RLN2: variants seen among roughly 807,000 people sequenced by gnomAD.
The protein encoded by RLN2 is prorelaxin H2.
A neutral mutation model predicts 7.3 loss-of-function variants in RLN2; 10 were observed. That is an observed-to-expected ratio of 1.36 (90% CI 0.84 to 2.31). The LOEUF is 2.31. Ranked by LOEUF, RLN2 falls within the 30% of genes most tolerant of loss-of-function variation. RLN2 has a pLI of 0.00. For synonymous variants in RLN2, 103 were observed against 82.3 expected (o/e 1.25, Z -1.36); for missense variants, 298 against 217.6 (o/e 1.37, Z -2.32).
chr9:5,333,713 C>CA, the RLN2 span, among the ~76,000 whole-genome samples: 4 of 151,410 alleles, frequency 2.6e-5, no homozygotes, highest in African/African-American at 7.3e-5. Flanking sequence ...AGACATACAA[C>CA]AAAAAAAAGA....
chr9:5,334,691 A>G, the RLN2 span, among the ~76,000 whole-genome samples: 1 of 151,996 alleles, frequency 6.6e-6, no homozygotes, highest in Non-Finnish European at 1.5e-5. Context: ...GAGCCTGAAA[A>G]GTACTTGAGT....
the RLN2 span, chr9:5,335,562 T>A: frequency 6.2e-7 from 1 of 1,610,910 alleles, no homozygotes; most frequent in African/African-American, 1.3e-5. Context: ...ATAATTATAG[T>A]TTCTGTATCT....
chr9:5,300,047 C>A lies in RLN2; in HGVS notation c.*51G>T. 1 of 1,167,768 alleles carries A rather than the reference C, an allele frequency of 8.6e-7. No homozygotes were observed. The highest frequency in any genetic ancestry group is 1.5e-5 in the South Asian group (1 of 65,550). 72.3% of individuals were successfully genotyped at this position (1,167,768 alleles called of 1,614,324 possible). On this transcript the variant is annotated 3_prime_UTR_variant, in exon 2 of 2. Transcript: ENST00000381627. ...CCTGATAGAAGCATCAGTGAAATGT[C>A]ATTAAGAATATGTGTGAATATTATA...
At chr9:5,335,574 T>C in the RLN2 span, 1 of 1,609,350 alleles carries the variant, frequency 6.2e-7, no homozygotes, top group Non-Finnish European at 8.5e-7. Context: ...TCTGTATCTT[T>C]GTTGATGAAG....
chr9:5,325,452 C>T, the RLN2 span, among the ~76,000 whole-genome samples: 2 of 152,090 alleles, frequency 1.3e-5, no homozygotes, highest in African/African-American at 2.4e-5. Context: ...GAGGTAAATA[C>T]ACAATAGAAC....
the RLN2 span, among the ~76,000 whole-genome samples, chr9:5,319,086 C>T: frequency 6.6e-6 from 1 of 152,094 alleles, no homozygotes; most frequent in South Asian, 2.1e-4. Flanking sequence ...AGCATTCTAT[C>T]TAGTGTTGCT....
chr9:5,304,868 T>C (rs1278325950), upstream of RLN2: 2 of 433,682 alleles, frequency 4.6e-6, no homozygotes, highest in East Asian at 4.3e-5. Flanking sequence ...CCTTTTACAG[T>C]TGTGTTCTTC....
chr9:5,327,359 CT>C, the RLN2 span, among the ~76,000 whole-genome samples: 8 of 152,134 alleles, frequency 5.3e-5, no homozygotes, highest in African/African-American at 1.7e-4. Context: ...TCCACCATTG[CT>C]GAGGCTTGAG....
the RLN2 span, among the ~76,000 whole-genome samples, chr9:5,318,182 G>A: frequency 6.6e-6 from 1 of 151,822 alleles, no homozygotes; most frequent in Non-Finnish European, 1.5e-5. Flanking sequence ...CAAAATTTCT[G>A]GATTTTAAAA....
the RLN2 span, among the ~76,000 whole-genome samples, chr9:5,316,323 ACACTTT>A: frequency 2.0e-5 from 3 of 151,514 alleles, no homozygotes; most frequent in Non-Finnish European, 2.9e-5. Flanking sequence ...TTTTTTTATT[ACACTTT>A]AAGTTCTGAA....
chr9:5,330,813 G>C, the RLN2 span, among the ~76,000 whole-genome samples: 1 of 150,204 alleles, frequency 6.7e-6, no homozygotes, highest in African/African-American at 2.4e-5. Context: ...CCAGGAGCTG[G>C]TTTTTTGAAA....
chr9:5,306,234 A>G (rs1182498051), upstream of RLN2, among the ~76,000 whole-genome samples: 13 of 151,112 alleles, frequency 8.6e-5, no homozygotes, highest in Non-Finnish European at 1.8e-4. Context: ...CAGCCTCTGA[A>G]GTAGCTGGGA....
At chr9:5,332,259 G>A in the RLN2 span, among the ~76,000 whole-genome samples, 3 of 152,012 alleles carry the variant, frequency 2.0e-5, no homozygotes, top group African/African-American at 7.3e-5. Flanking sequence ...GTTTGTATGT[G>A]CAGAAGTAGA....
upstream of RLN2, among the ~76,000 whole-genome samples, chr9:5,305,402 C>CACACACACACACACAG (rs397829533): frequency 5.3e-5 from 6 of 112,254 alleles, no homozygotes; most frequent in Admixed American, 2.8e-4. Flanking sequence ...CACACACACA[C>CACACACACACACACAG]AGAGAGAGAG....
chr9:5,304,746 G>A (rs1406400990), upstream of RLN2: 1 of 674,196 alleles, frequency 1.5e-6, no homozygotes, highest in African/African-American at 1.8e-5. Context: ...CAGCTTTTAA[G>A]GCAAGGGTGC....
the RLN2 span, among the ~76,000 whole-genome samples, chr9:5,328,914 C>A: frequency 6.6e-6 from 1 of 151,982 alleles, no homozygotes; most frequent in Admixed American, 6.5e-5. Flanking sequence ...GGCTGCCTTA[C>A]GAGATTTCCT....
the RLN2 span, chr9:5,334,875 A>C: frequency 6.1e-6 from 1 of 162,672 alleles, no homozygotes; most frequent in East Asian, 1.7e-4. Flanking sequence ...GTATGGCTTT[A>C]TGTATATCCA....
chr9:5,307,107 G>C (rs141716088), upstream of RLN2, among the ~76,000 whole-genome samples: 725 of 152,130 alleles, frequency 4.8e-3, 5 homozygotes, highest in Middle Eastern at 0.014. Flanking sequence ...CTGCCTGGGA[G>C]GGTGGGAATA....
chr9:5,307,751 A>G (rs1389571320), upstream of RLN2, among the ~76,000 whole-genome samples: 3 of 152,086 alleles, frequency 2.0e-5, no homozygotes, highest in Admixed American at 6.5e-5. Context: ...CCCAGATGAC[A>G]GGTGGCCTCT....
Sources: allele counts gnomAD v4.1 joint callset (sites outside exome capture counted in the v4.1 genomes callset), GRCh38; gene constraint gnomAD v4.1.1; transcripts MANE v1.5; gene names NCBI Gene and HGNC (gene_info 2026-07-23, HGNC 2026-07-21).